The following FOXO1 variants were observed in gnomAD, a reference collection of about 807,000 sequenced individuals.
FOXO1 encodes the protein forkhead box O1, also known as forkhead box protein O1.
FOXO1 carries 6 observed loss-of-function variants against 44.1 expected under a neutral mutation model. That is an observed-to-expected ratio of 0.14 (90% CI 0.07 to 0.27). FOXO1 has a LOEUF of 0.27. Among genes scored for constraint, FOXO1 ranks in the 10% least tolerant of loss-of-function variants. The pLI, the probability that FOXO1 is intolerant of heterozygous loss-of-function variation, is 1.00. For missense variants in FOXO1, 737 were observed against 888.8 expected (o/e 0.83, Z 2.17); for synonymous variants, 380 against 362.7 (o/e 1.05, Z -0.54).
intron 1 of FOXO1, chr13:40,621,164 T>C: frequency 1.9e-6 from 1 of 513,344 alleles, no homozygotes; most frequent in Non-Finnish European, 3.6e-6. Flanking sequence ...ATAACAGTAT[T>C]GATAGTGAAC....
At chr13:40,602,298 G>C (rs1875839784) in intron 1 of FOXO1, among the ~76,000 whole-genome samples, 1 of 152,140 alleles carries the variant, frequency 6.6e-6, no homozygotes, top group African/African-American at 2.4e-5. Flanking sequence ...TTAGTCATTT[G>C]CAAGAAACTA....
At chr13:40,595,270 T>C (rs575621395) in intron 1 of FOXO1, among the ~76,000 whole-genome samples, 2 of 152,302 alleles carry the variant, frequency 1.3e-5, no homozygotes, top group Admixed American at 1.3e-4. Context: ...TTGTAAAGAA[T>C]AAAGCCTCCA....
chr13:40,599,932 C>T (rs972682843), intron 1 of FOXO1, among the ~76,000 whole-genome samples: 1 of 152,034 alleles, frequency 6.6e-6, no homozygotes, highest in Non-Finnish European at 1.5e-5. Context: ...GGCAGCAAGC[C>T]GATGAAAAGA....
At chr13:40,583,958 T>C (rs1490350808) in intron 1 of FOXO1, among the ~76,000 whole-genome samples, 1 of 152,162 alleles carries the variant, frequency 6.6e-6, no homozygotes, top group Non-Finnish European at 1.5e-5. Flanking sequence ...TGATTTACAG[T>C]GAGTGAGATC....
intron 1 of FOXO1, chr13:40,619,876 G>A (rs1478551658): frequency 2.8e-6 from 2 of 725,310 alleles, no homozygotes; most frequent in Non-Finnish European, 5.1e-6. Flanking sequence ...GTTTAAAGCA[G>A]CACATGTTTG....
At chr13:40,568,635 T>G (rs1412076767) in intron 1 of FOXO1, among the ~76,000 whole-genome samples, 4 of 152,160 alleles carry the variant, frequency 2.6e-5, no homozygotes, top group Non-Finnish European at 4.4e-5. Flanking sequence ...TAACACAAGA[T>G]CTGCTGAGAA....
intron 1 of FOXO1, among the ~76,000 whole-genome samples, chr13:40,643,884 A>G (rs74044554): frequency 4.6e-5 from 7 of 152,310 alleles, no homozygotes; most frequent in African/African-American, 1.7e-4. Context: ...ACTTCCCAGC[A>G]GTATCATTAT....
intron 1 of FOXO1, among the ~76,000 whole-genome samples, chr13:40,627,838 A>AG: frequency 6.6e-6 from 1 of 152,124 alleles, no homozygotes; most frequent in Admixed American, 6.5e-5. Flanking sequence ...GGCTAAAAAA[A>AG]AAAAAAAACA....
Position 40,596,120 on chromosome 13 carries a change from T to C in FOXO1, c.631-35260A>G, listed in dbSNP as rs1225581071. 4.6e-5 allele frequency among the ~76,000 whole-genome samples: 7 copies of C among 152,272 alleles called. No homozygotes were observed. The East Asian group carries it at 1.3e-3, about 29-fold the overall frequency. ...AGGGACTTTTAGGCTGATAAAGTTATGGAACATGAGACTTCAGTCTTCTTA... is the reference window on the plus strand; with the variant it reads ...AGGGACTTTTAGGCTGATAAAGTTACGGAACATGAGACTTCAGTCTTCTTA... On this transcript the variant is annotated intron_variant, in intron 1 of 2. Transcript: ENST00000379561.
At chr13:40,580,795 T>G (rs536465088) in intron 1 of FOXO1, among the ~76,000 whole-genome samples, 27 of 152,312 alleles carry the variant, frequency 1.8e-4, no homozygotes, top group African/African-American at 6.5e-4. Flanking sequence ...CAACAAAAGA[T>G]GCTGTCATTT....
At chr13:40,577,501 C>G (rs1874803679) in intron 1 of FOXO1, among the ~76,000 whole-genome samples, 1 of 152,130 alleles carries the variant, frequency 6.6e-6, no homozygotes. Flanking sequence ...GAATGGGTCA[C>G]AGAGTCTAAT....
chr13:40,636,337 A>T (rs1457864027), intron 1 of FOXO1, among the ~76,000 whole-genome samples: 2 of 152,040 alleles, frequency 1.3e-5, no homozygotes. Flanking sequence ...TGACCTGTAA[A>T]ATGTTGATGA....
rs139168086 is a variant in FOXO1, at chr13:40,571,767, T to C, written c.631-10907A>G. Among the ~76,000 whole-genome samples, 563 of 152,370 alleles carry C rather than the reference T, an allele frequency of 3.7e-3. 4 individuals carry two copies. The highest frequency in any genetic ancestry group is 0.028 in the South Asian group (135 of 4,830). On this transcript the variant is annotated intron_variant, in intron 1 of 2. Transcript: ENST00000379561. The stretch of plus-strand genomic sequence containing the variant: ...CTAATGAAAATCTTTGTCTGTTTTA[T>C]AGGCCATACAATTTTTCTAATCTGC...
chr13:40,666,098 TG>T lies in FOXO1; in HGVS notation c.114del (p.Thr39ProfsTer33). ...CTGCCCGACGGCGCCGGGCTGGAGG[TG>T]GCCGAGTTGGACTGGCTAAACTCCG... is the stretch of plus-strand genomic sequence containing the variant. Reference protein sequence around the residue: ...PRPEFSQSNSATSSPAPSGSA... With the variant: ...PRPEFSQSNSXTSSPAPSGSA... On this transcript the variant is annotated frameshift_variant, in exon 1 of 3. Coordinates refer to ENST00000379561, the MANE Select transcript of FOXO1 (RefSeq NM_002015.4). LOFTEE classifies it high-confidence loss of function. 1 of 1,390,140 alleles carries T rather than the reference TG, an allele frequency of 7.2e-7. No homozygotes were observed. The highest frequency in any genetic ancestry group is 9.3e-7 in the Non-Finnish European group (1 of 1,071,760). 86.1% of individuals were successfully genotyped at this position (1,390,140 alleles called of 1,614,324 possible). A position where few individuals can be genotyped will look rare whatever the true frequency, so the allele number is the denominator to read the frequency against.
chr13:40,629,362 G>A (rs1593406873), intron 1 of FOXO1, among the ~76,000 whole-genome samples: 2 of 152,084 alleles, frequency 1.3e-5, no homozygotes, highest in African/African-American at 2.4e-5. Flanking sequence ...GGCTGGTCTC[G>A]AACTCCCAAC....
At chr13:40,574,208 C>T (rs968823636) in intron 1 of FOXO1, among the ~76,000 whole-genome samples, 22 of 152,152 alleles carry the variant, frequency 1.4e-4, no homozygotes, top group Non-Finnish European at 7.3e-5. Context: ...TAGTTTTCCA[C>T]CACAATGTAT....
chr13:40,558,739 G>T lies in FOXO1; in HGVS notation c.*310C>A, dbSNP rs749308261. 2.5e-6 allele frequency: 1 copy of T among 398,484 alleles called. No individual in the cohort carries two copies. Among genetic ancestry groups the T allele is most frequent in the Non-Finnish European group, 4.4e-6 (1 of 225,852 alleles). The allele number at this position is 398,484 out of a possible 1,614,324, so 24.7% of individuals were successfully genotyped here. On this transcript the variant is annotated 3_prime_UTR_variant, in exon 3 of 3. Coordinates refer to ENST00000379561, the MANE Select transcript of FOXO1 (RefSeq NM_002015.4). ...TATACAAAACTTGAAAGCACACCAG[G>T]ATCTGAAAATCTTTTCTGCAATTAT...
intron 1 of FOXO1, chr13:40,620,261 G>A: frequency 2.2e-6 from 3 of 1,393,954 alleles, no homozygotes; most frequent in Non-Finnish European, 3.1e-6. Flanking sequence ...GGAGAAAATA[G>A]AGATCAGGAC....
At chr13:40,573,585 T>C (rs1874629396) in intron 1 of FOXO1, among the ~76,000 whole-genome samples, 1 of 152,238 alleles carries the variant, frequency 6.6e-6, no homozygotes, top group African/African-American at 2.4e-5. Context: ...ATATTAAATG[T>C]TTTATTCTAA....
Sources: gnomAD v4.1 joint callset for allele counts (sites outside exome capture counted in the v4.1 genomes callset) on GRCh38, gnomAD v4.1.1 for gene constraint, MANE v1.5 for transcripts, NCBI Gene and HGNC (gene_info 2026-07-23, HGNC 2026-07-21) for gene names.